The following EYS variants were observed in gnomAD, a reference collection of about 807,000 sequenced individuals.
EYS encodes the protein EGF-like photoreceptor maintenance factor.
A neutral mutation model predicts 282.1 loss-of-function variants in EYS; 250 were observed. The ratio of observed to expected loss-of-function variants is 0.89; its 90% CI spans 0.80 to 0.98. EYS has a LOEUF of 0.98. Among genes scored for constraint, EYS ranks in the 50% least tolerant of loss-of-function variants. EYS has a pLI of 0.00. For missense variants in EYS, 4,016 were observed against 3,709.0 expected (o/e 1.08, Z -2.15); for synonymous variants, 1,355 against 1,282.9 (o/e 1.06, Z -1.20).
chr6:63,996,195 G>A (rs552147022), intron 34 of EYS, among the ~76,000 whole-genome samples: 9 of 152,002 alleles, frequency 5.9e-5, no homozygotes, highest in Non-Finnish European at 1.0e-4. Flanking sequence ...GAACCTTGAG[G>A]ACTTTATGAT....
intron 15 of EYS, among the ~76,000 whole-genome samples, chr6:64,930,400 T>C (rs1035713585): frequency 6.9e-6 from 1 of 145,416 alleles, no homozygotes; most frequent in Non-Finnish European, 1.5e-5. Flanking sequence ...TTGCCTGAAC[T>C]AAAATTTTGT....
intron 19 of EYS, among the ~76,000 whole-genome samples, chr6:64,877,036 T>C (rs1465224468): frequency 1.3e-5 from 2 of 152,126 alleles, no homozygotes; most frequent in East Asian, 3.9e-4. Flanking sequence ...CAAATTAAGA[T>C]GTCATATTTC....
intron 22 of EYS, among the ~76,000 whole-genome samples, chr6:64,637,846 A>G (rs72876932): frequency 0.028 from 2,519 of 91,082 alleles, 934 homozygotes; most frequent in Middle Eastern, 0.08. Flanking sequence ...AACCACCATG[A>G]CACACGTTTA....
At chr6:65,678,105 G>A (rs995577819) in intron 1 of EYS, among the ~76,000 whole-genome samples, 6 of 152,070 alleles carry the variant, frequency 3.9e-5, no homozygotes, top group African/African-American at 9.6e-5. Context: ...TGAAGGGAAC[G>A]GGAGCCAGCA....
chr6:64,983,476 C>T (rs539611005), intron 14 of EYS, among the ~76,000 whole-genome samples: 153 of 151,200 alleles, frequency 1.0e-3, no homozygotes, highest in African/African-American at 3.6e-3. Flanking sequence ...AGTTTTCCCC[C>T]CACACAAAAC....
In EYS at chr6:64,626,104, A is replaced by C; in HGVS notation, c.3568+17T>G. 1 of 1,455,384 alleles carries C rather than the reference A, an allele frequency of 6.9e-7. No individual in the cohort carries two copies. Among genetic ancestry groups the C allele is most frequent in the Non-Finnish European group, 9.4e-7 (1 of 1,067,478 alleles). 90.2% of individuals were successfully genotyped at this position (1,455,384 alleles called of 1,614,324 possible). On this transcript the variant is annotated intron_variant, in intron 23 of 42. Transcript: ENST00000503581. ...TTATTATATATGCAGTATGCTTATT[A>C]TTTTTAAAATAATTACCTGGTTGGC...
At chr6:63,832,665 G>C (rs939188545) in intron 36 of EYS, among the ~76,000 whole-genome samples, 6 of 152,134 alleles carry the variant, frequency 3.9e-5, no homozygotes, top group Non-Finnish European at 8.8e-5. Context: ...CATTCCTTCT[G>C]AAACTATTCC....
At chr6:65,518,826 C>T (rs1158515965) in intron 2 of EYS, among the ~76,000 whole-genome samples, 1 of 151,910 alleles carries the variant, frequency 6.6e-6, no homozygotes. Context: ...TCTTGCAGTC[C>T]CCTTTACACA....
chr6:64,453,947 T>C (rs1047128483), intron 26 of EYS, among the ~76,000 whole-genome samples: 9 of 152,046 alleles, frequency 5.9e-5, no homozygotes, highest in Non-Finnish European at 1.3e-4. Flanking sequence ...ACTTGGCACA[T>C]ATATACATAT....
At chr6:65,524,625 G>A (rs966138375) in intron 2 of EYS, among the ~76,000 whole-genome samples, 2 of 152,108 alleles carry the variant, frequency 1.3e-5, no homozygotes, top group African/African-American at 4.8e-5. Context: ...GGGAAGACAT[G>A]GAAACACTGG....
intron 26 of EYS, among the ~76,000 whole-genome samples, chr6:64,480,085 G>T (rs1776390939): frequency 6.6e-6 from 1 of 151,802 alleles, no homozygotes; most frequent in South Asian, 2.1e-4. Context: ...AGTAGTAATT[G>T]TTCTAACCCT....
At chr6:65,333,317 T>G (rs1562101730) in intron 11 of EYS, among the ~76,000 whole-genome samples, 1 of 151,706 alleles carries the variant, frequency 6.6e-6, no homozygotes, top group Non-Finnish European at 1.5e-5. Flanking sequence ...TTGTATTATT[T>G]AACTTCCATG....
At chr6:64,992,630 G>A (rs557760832) in intron 14 of EYS, among the ~76,000 whole-genome samples, 67 of 151,840 alleles carry the variant, frequency 4.4e-4, no homozygotes, top group African/African-American at 1.6e-3. Flanking sequence ...CTCTCTTTTT[G>A]CTACAAAAAT....
chr6:64,435,191 T>G (rs1355648187), intron 28 of EYS, among the ~76,000 whole-genome samples: 1 of 152,082 alleles, frequency 6.6e-6, no homozygotes, highest in Non-Finnish European at 1.5e-5. Flanking sequence ...AAAAGATGAT[T>G]TATTAAATAG....
intron 30 of EYS, among the ~76,000 whole-genome samples, chr6:64,275,933 T>G (rs2150359606): frequency 6.6e-6 from 1 of 151,158 alleles, no homozygotes; most frequent in East Asian, 2.0e-4. Flanking sequence ...CCTTTGCACT[T>G]CAGCCTGGAT....
At chr6:63,727,202 AG>A (rs1338724975) in intron 41 of EYS, among the ~76,000 whole-genome samples, 2 of 151,820 alleles carry the variant, frequency 1.3e-5, no homozygotes, top group Non-Finnish European at 2.9e-5. Context: ...GAATTATGAG[AG>A]GGAGATGGAA....
At chr6:64,765,466 C>G (rs534832522) in intron 22 of EYS, among the ~76,000 whole-genome samples, 131 of 152,304 alleles carry the variant, frequency 8.6e-4, no homozygotes, top group African/African-American at 2.9e-3. Flanking sequence ...GTCACTTCCA[C>G]ATTTTCAGGT....
chr6:64,444,677 T>C (rs1420727041), intron 26 of EYS, among the ~76,000 whole-genome samples: 1 of 152,202 alleles, frequency 6.6e-6, no homozygotes, highest in Admixed American at 6.5e-5. Context: ...GCTTGGATGT[T>C]TGTCCCCTCC....
chr6:64,898,964 T>G (rs2150070017), intron 18 of EYS, among the ~76,000 whole-genome samples: 1 of 150,622 alleles, frequency 6.6e-6, no homozygotes, highest in African/African-American at 2.4e-5. Context: ...AAGCAAGTAC[T>G]TAGAGATCTA....
Sources: allele counts gnomAD v4.1 joint callset (sites outside exome capture counted in the v4.1 genomes callset), GRCh38; gene constraint gnomAD v4.1.1; transcripts MANE v1.5; gene names NCBI Gene and HGNC (gene_info 2026-07-23, HGNC 2026-07-21).